The following SHC3 variants were observed in gnomAD, a reference collection of about 807,000 sequenced individuals.
SHC3 encodes the protein SHC adaptor protein 3, also known as SHC-transforming protein 3.
SHC3 carries 15 observed loss-of-function variants against 60.4 expected under a neutral mutation model. That is an observed-to-expected ratio of 0.25 (90% confidence interval 0.17 to 0.38). The LOEUF is 0.38. Among genes scored for constraint, SHC3 ranks in the 10% least tolerant of loss-of-function variants. SHC3 has a pLI of 1.00. For missense variants in SHC3, 677 were observed against 786.1 expected (o/e 0.86, Z 1.66); for synonymous variants, 294 against 325.9 (o/e 0.90, Z 1.05).
At chr9:89,162,281 C>A (rs1826719280) in intron 1 of SHC3, among the ~76,000 whole-genome samples, 2 of 151,408 alleles carry the variant, frequency 1.3e-5, no homozygotes, top group African/African-American at 2.4e-5. Flanking sequence ...GCCCGCATCG[C>A]CAAGTCAATC....
chr9:89,175,711 T>G (rs11137528), intron 1 of SHC3, among the ~76,000 whole-genome samples: 37,286 of 152,078 alleles, frequency 0.25, 4,903 homozygotes, highest in African/African-American at 0.33. Context: ...TAAACCTTTA[T>G]ATTTTACTAT....
intron 6 of SHC3, 112 bp from the exon 7 acceptor site, chr9:89,052,275 C>T: frequency 1.5e-6 from 2 of 1,338,466 alleles, no homozygotes; most frequent in Admixed American, 2.3e-5. Context: ...ATGCTTCTTC[C>T]ATAATATGTC....
Position 89,178,135 on chromosome 9 carries a change from TC to T in SHC3, c.325del (p.Asp109ThrfsTer13). 8.4e-7 allele frequency: 1 copy of T among 1,183,742 alleles called. No individual in the cohort carries two copies. The highest frequency in any genetic ancestry group is 1.0e-6 in the Non-Finnish European group (1 of 957,910). 73.3% of individuals were successfully genotyped at this position (1,183,742 alleles called of 1,614,324 possible). A position where few individuals can be genotyped will look rare whatever the true frequency, so the allele number is the denominator to read the frequency against. The part of the protein sequence containing the change: ...SCSAPSLAAP[D>X]GSAPSAPRAP... The stretch of plus-strand genomic sequence containing the variant: ...GCGGGGCGCCGAGGGCGCACTGCCG[TC>T]CGGGGCGGCCAGGCTGGGCGCGCTG... On this transcript the variant is annotated frameshift_variant, in exon 1 of 12. Coordinates refer to ENST00000375835, the MANE Select transcript of SHC3 (RefSeq NM_016848.6). LOFTEE classifies it high-confidence loss of function. The surrounding 1 kb of genome is among the most constrained non-coding windows in gnomAD (Gnocchi z 6.9).
intron 11 of SHC3, among the ~76,000 whole-genome samples, chr9:89,021,394 C>T (rs111263711): frequency 1.3e-5 from 2 of 152,254 alleles, no homozygotes; most frequent in South Asian, 2.1e-4. Context: ...CCAACACCAC[C>T]GCACTCAATG....
chr9:89,046,831 C>A lies in SHC3; in HGVS notation c.1113+13G>T. ...CTCCATTCCTTATATAAGAAAAAAA[C>A]TATAAGACTTACCTGGGCTGTGTCA... On this transcript the variant is annotated intron_variant, in intron 8 of 11. Coordinates refer to ENST00000375835, the MANE Select transcript of SHC3 (RefSeq NM_016848.6). 6.5e-7 allele frequency: 1 copy of A among 1,543,022 alleles called. No homozygotes were observed.
chr9:89,149,415 A>T (rs1826514072), intron 1 of SHC3, among the ~76,000 whole-genome samples: 1 of 152,204 alleles, frequency 6.6e-6, no homozygotes, highest in Non-Finnish European at 1.5e-5. Flanking sequence ...TTAATGTCCC[A>T]TCCTTTTCAC....
At chr9:89,034,880 G>A (rs61160904) in intron 11 of SHC3, among the ~76,000 whole-genome samples, 6,270 of 152,234 alleles carry the variant, frequency 0.041, 214 homozygotes, top group African/African-American at 0.095. Flanking sequence ...AACTGAGGCA[G>A]GGCTTGCATA....
intron 2 of SHC3, among the ~76,000 whole-genome samples, chr9:89,103,406 G>A (rs980007900): frequency 3.3e-5 from 5 of 152,166 alleles, no homozygotes; most frequent in African/African-American, 9.7e-5. Context: ...CCTGACCCCA[G>A]TAATGGAGGG....
intron 6 of SHC3, among the ~76,000 whole-genome samples, chr9:89,061,843 C>T (rs1158915258): frequency 6.6e-6 from 1 of 152,162 alleles, no homozygotes; most frequent in Non-Finnish European, 1.5e-5. Context: ...ATGCTACATG[C>T]CTGGCACTCA....
chr9:89,016,995 T>C (rs1002016842), intron 11 of SHC3, among the ~76,000 whole-genome samples: 1 of 152,056 alleles, frequency 6.6e-6, no homozygotes, highest in Non-Finnish European at 1.5e-5. Flanking sequence ...AAAAGGTCTT[T>C]TTTTCCCACA....
At chr9:89,137,168 T>C (rs1045015236) in intron 1 of SHC3, among the ~76,000 whole-genome samples, 10 of 152,100 alleles carry the variant, frequency 6.6e-5, no homozygotes, top group Non-Finnish European at 1.3e-4. Flanking sequence ...AAAATCGGGA[T>C]TACAATTCAA....
chr9:89,172,201 G>C (rs68030069), intron 1 of SHC3, among the ~76,000 whole-genome samples: 36,006 of 152,104 alleles, frequency 0.24, 4,473 homozygotes, highest in African/African-American at 0.3. Flanking sequence ...TAATCCCTCT[G>C]ACCCCAGTGT....
chr9:89,173,945 T>A (rs1260969071), intron 1 of SHC3, among the ~76,000 whole-genome samples: 1 of 152,142 alleles, frequency 6.6e-6, no homozygotes, highest in Non-Finnish European at 1.5e-5. Flanking sequence ...GAGAAAAAAA[T>A]CAACTTTTTA....
At position 89,076,919 on chromosome 9, in the gene SHC3, C is replaced by A. The variant is rs183190881; in HGVS notation, c.609+921G>T. Among the ~76,000 whole-genome samples, 20 of 152,284 alleles carry A rather than the reference C, an allele frequency of 1.3e-4. No homozygotes were observed. In the East Asian group the frequency reaches 3.9e-3, roughly 29 times the overall value. ...TAGGGCCGGGCATGGTGGCTCACAC[C>A]TGTAATCCCAACACTTTGGGAAGCC... On this transcript the variant is annotated intron_variant, in intron 3 of 11. Transcript: ENST00000375835.
intron 2 of SHC3, among the ~76,000 whole-genome samples, chr9:89,108,210 G>A (rs995732063): frequency 2.6e-5 from 4 of 152,040 alleles, no homozygotes; most frequent in African/African-American, 4.8e-5. Context: ...GTCTAATGAC[G>A]CATCTCTCAG....
intron 3 of SHC3, among the ~76,000 whole-genome samples, chr9:89,077,267 GT>G (rs1825374561): frequency 6.6e-6 from 1 of 151,932 alleles, no homozygotes; most frequent in Non-Finnish European, 1.5e-5. Context: ...ACTACTAACT[GT>G]TTTTCAAGTT....
chr9:89,022,391 C>A (rs1683813050), intron 11 of SHC3, among the ~76,000 whole-genome samples: 1 of 152,064 alleles, frequency 6.6e-6, no homozygotes, highest in African/African-American at 2.4e-5. Flanking sequence ...GGCTTTGCGG[C>A]GGGATAGGTA....
chr9:89,039,909 C>A (rs1205932318), intron 10 of SHC3, among the ~76,000 whole-genome samples: 2 of 151,962 alleles, frequency 1.3e-5, no homozygotes, highest in Non-Finnish European at 2.9e-5. Context: ...TCATCACCAT[C>A]ACTGTCACCA....
intron 1 of SHC3, among the ~76,000 whole-genome samples, chr9:89,112,847 A>G (rs1825969830): frequency 6.6e-6 from 1 of 152,204 alleles, no homozygotes; most frequent in Non-Finnish European, 1.5e-5. Flanking sequence ...GGATTTTTCT[A>G]AAACCTGTTA....
Sources: gnomAD v4.1 joint callset for allele counts (sites outside exome capture counted in the v4.1 genomes callset) on GRCh38, gnomAD v4.1.1 for gene constraint, Gnocchi (gnomAD v3.1) non-coding constraint, MANE v1.5 for transcripts, NCBI Gene and HGNC (gene_info 2026-07-23, HGNC 2026-07-21) for gene names.